The following UBTD1 variants were observed in gnomAD, a reference collection of about 807,000 sequenced individuals.
UBTD1 encodes the protein ubiquitin domain-containing protein 1.
Under a neutral mutation model 21.7 loss-of-function variants are expected in UBTD1, and 19 were observed. That is an observed-to-expected ratio of 0.87 (90% CI 0.61 to 1.28). The LOEUF is 1.28. UBTD1 is among the 50% of genes most tolerant of loss of function. The probability of loss-of-function intolerance (pLI) is 0.00; values close to 1 mark genes in which losing one functional copy is unlikely to be tolerated. For synonymous variants in UBTD1, 116 were observed against 135.1 expected (o/e 0.86, Z 0.98); for missense variants, 282 against 315.1 (o/e 0.89, Z 0.80).
intron 1 of UBTD1, among the ~76,000 whole-genome samples, chr10:97,539,029 G>C (rs1417409): frequency 0.95 from 145,227 of 152,318 alleles, 69,430 homozygotes; most frequent in Non-Finnish European, 0.99. Context: ...GGCAGTGCTT[G>C]TGTTGCCCTG....
intron 1 of UBTD1, among the ~76,000 whole-genome samples, chr10:97,532,860 T>C (rs1327591205): frequency 6.6e-6 from 1 of 152,138 alleles, no homozygotes; most frequent in Non-Finnish European, 1.5e-5. Flanking sequence ...ATCACCTTCA[T>C]CACTTTCTAA....
intron 1 of UBTD1, among the ~76,000 whole-genome samples, chr10:97,536,197 G>A (rs1200599053): frequency 1.3e-5 from 2 of 151,942 alleles, no homozygotes; most frequent in Non-Finnish European, 2.9e-5. Flanking sequence ...TCACCATGTT[G>A]GTCAGGCTTG....
In UBTD1 at chr10:97,513,628, T is replaced by C. The variant is rs142451269; in HGVS notation, c.70+14355T>C. Among the ~76,000 whole-genome samples, 324 of 152,314 alleles carry C rather than the reference T, an allele frequency of 2.1e-3. No individual in the cohort carries two copies. The Middle Eastern group carries it at 0.024, about 11-fold the overall frequency. On this transcript the variant is annotated intron_variant, in intron 1 of 2. Transcript: ENST00000370664. ...AAGTTATGTGTGCTCATGTAAAAAA[T>C]GTGAACGATATGAGAAAGCTCAAAG...
intron 1 of UBTD1, among the ~76,000 whole-genome samples, chr10:97,557,384 T>A (rs1225136053): frequency 1.3e-5 from 2 of 152,114 alleles, no homozygotes; most frequent in African/African-American, 2.4e-5. Context: ...CTGAGGGGTT[T>A]GTGATTATCA....
intron 1 of UBTD1, among the ~76,000 whole-genome samples, chr10:97,534,912 G>T (rs1255527550): frequency 6.6e-6 from 1 of 152,150 alleles, no homozygotes; most frequent in Non-Finnish European, 1.5e-5. Flanking sequence ...CCCACCAAGC[G>T]GCACTCAGCC....
chr10:97,516,592 G>C (rs1214296077), intron 1 of UBTD1, among the ~76,000 whole-genome samples: 3 of 151,874 alleles, frequency 2.0e-5, no homozygotes, highest in Non-Finnish European at 2.9e-5. Context: ...TGGCTAACGT[G>C]GTGAAACCCC....
intron 1 of UBTD1, among the ~76,000 whole-genome samples, chr10:97,529,435 C>T (rs906991187): frequency 1.9e-4 from 29 of 152,310 alleles, no homozygotes; most frequent in African/African-American, 6.7e-4. Flanking sequence ...GAGGTTGTAG[C>T]GAGCCGAGAT....
intron 1 of UBTD1, among the ~76,000 whole-genome samples, chr10:97,527,897 T>C (rs2040497168): frequency 3.3e-5 from 5 of 152,244 alleles, no homozygotes; most frequent in South Asian, 4.1e-4. Flanking sequence ...ATCTTCCACC[T>C]TTCCCCCTTT....
At chr10:97,527,793 C>G (rs1443067366) in intron 1 of UBTD1, among the ~76,000 whole-genome samples, 5 of 152,058 alleles carry the variant, frequency 3.3e-5, no homozygotes, top group African/African-American at 1.2e-4. Flanking sequence ...AACAGGATCC[C>G]AAGGCAGAAG....
intron 1 of UBTD1, among the ~76,000 whole-genome samples, chr10:97,507,120 T>G (rs1589866837): frequency 6.6e-6 from 1 of 152,276 alleles, no homozygotes; most frequent in African/African-American, 2.4e-5. Context: ...CCTCAGCAGC[T>G]GCACCATTTT....
chr10:97,537,073 C>G (rs1005247316), intron 1 of UBTD1, among the ~76,000 whole-genome samples: 1 of 152,112 alleles, frequency 6.6e-6, no homozygotes, highest in African/African-American at 2.4e-5. Flanking sequence ...GCCAGCAGGG[C>G]AGGCCTGTCT....
At chr10:97,501,851 T>C (rs1754309737) in intron 1 of UBTD1, among the ~76,000 whole-genome samples, 1 of 152,160 alleles carries the variant, frequency 6.6e-6, no homozygotes, top group South Asian at 2.1e-4. Context: ...AAGTCTGCCA[T>C]TTCCCCCTCC....
chr10:97,513,440 C>T (rs566159124), intron 1 of UBTD1, among the ~76,000 whole-genome samples: 24 of 152,170 alleles, frequency 1.6e-4, no homozygotes, highest in Admixed American at 5.2e-4. Flanking sequence ...GCTCGAGTTA[C>T]GGAGGGAAGA....
At chr10:97,532,475 G>A (rs761768559) in intron 1 of UBTD1, among the ~76,000 whole-genome samples, 5 of 151,718 alleles carry the variant, frequency 3.3e-5, no homozygotes, top group African/African-American at 1.2e-4. Context: ...GAGAAACCCC[G>A]TCTTTACTAA....
At chr10:97,551,935 G>A (rs1428316193) in intron 1 of UBTD1, among the ~76,000 whole-genome samples, 1 of 151,902 alleles carries the variant, frequency 6.6e-6, no homozygotes, top group African/African-American at 2.4e-5. Flanking sequence ...TAAAGACCAG[G>A]TCTTACTCTG....
intron 1 of UBTD1, among the ~76,000 whole-genome samples, chr10:97,546,184 G>A (rs559203294): frequency 6.6e-6 from 1 of 152,278 alleles, no homozygotes; most frequent in South Asian, 2.1e-4. Context: ...AGGCTGAATT[G>A]CCCCCCAGCT....
intron 1 of UBTD1, among the ~76,000 whole-genome samples, chr10:97,534,367 C>T (rs1278650181): frequency 5.9e-5 from 9 of 152,176 alleles, no homozygotes; most frequent in African/African-American, 9.7e-5. Context: ...TCGCACAAAG[C>T]GGCTTAAATG....
At chr10:97,563,457 G>A (rs1222594965) in intron 1 of UBTD1, among the ~76,000 whole-genome samples, 1 of 152,204 alleles carries the variant, frequency 6.6e-6, no homozygotes, top group Non-Finnish European at 1.5e-5. Context: ...GAAATGGCTA[G>A]GAGAGAGTGA....
At chr10:97,499,402 C>G (rs2040311413) in intron 1 of UBTD1, 129 bp downstream of exon 1, 1 of 1,194,798 alleles carries the variant, frequency 8.4e-7, no homozygotes, top group African/African-American at 1.6e-5. Flanking sequence ...GGCTGCTCCG[C>G]AGCCAGAGGG....
Sources: allele counts gnomAD v4.1 joint callset (sites outside exome capture counted in the v4.1 genomes callset), GRCh38; gene constraint gnomAD v4.1.1; transcripts MANE v1.5; gene names NCBI Gene and HGNC (gene_info 2026-07-23, HGNC 2026-07-21).